Variants in DLG2 observed in about 807,000 individuals in gnomAD.
The protein encoded by DLG2 is disks large homolog 2.
A neutral mutation model predicts 132.5 loss-of-function variants in DLG2; 45 were observed. That is an observed-to-expected ratio of 0.34 (90% confidence interval 0.27 to 0.44). The LOEUF (loss-of-function observed/expected upper bound fraction) is 0.44. Among genes scored for constraint, DLG2 ranks in the 20% least tolerant of loss-of-function variants. DLG2 has a pLI of 1.00. For missense variants in DLG2, 1,045 were observed against 1,196.9 expected (o/e 0.87, Z 1.87); for synonymous variants, 424 against 419.6 (o/e 1.01, Z -0.13).
At chr11:85,464,865 G>A (rs2092728900) in intron 3 of DLG2, among the ~76,000 whole-genome samples, 1 of 151,360 alleles carries the variant, frequency 6.6e-6, no homozygotes, top group African/African-American at 2.4e-5. Context: ...ACAAGGCCAG[G>A]AGTTTGAGAC....
intron 5 of DLG2, among the ~76,000 whole-genome samples, chr11:85,154,135 G>GAGA (rs1555386477): frequency 1.7e-5 from 1 of 57,674 alleles, no homozygotes; most frequent in Non-Finnish European, 3.3e-5. Context: ...TTCTTTTGGA[G>GAGA]AAAAAAAAAA....
rs542449299 is a variant in DLG2 at position 84,607,231 on chromosome 11, G to A, written c.358-72500C>T. Among the ~76,000 whole-genome samples, 9 of 152,172 alleles carry A rather than the reference G, an allele frequency of 5.9e-5. No individual in the cohort carries two copies. The South Asian group carries it at 1.0e-3, about 18-fold the overall frequency. ...CACAACTATAATTCAAGTGATTTAC[G>A]ATAACTATTATATATTTTATGCTAA... On this transcript the variant is annotated intron_variant, in intron 6 of 27. Coordinates refer to ENST00000376104, the MANE Select transcript of DLG2 (RefSeq NM_001142699.3).
At chr11:83,991,604 G>A (rs1482421261) in intron 11 of DLG2, among the ~76,000 whole-genome samples, 1 of 150,344 alleles carries the variant, frequency 6.7e-6, no homozygotes, top group Non-Finnish European at 1.5e-5. Flanking sequence ...TTATGGATTT[G>A]GCCATTCCTC....
intron 7 of DLG2, among the ~76,000 whole-genome samples, chr11:84,428,885 G>A (rs984842505): frequency 3.3e-5 from 5 of 152,280 alleles, no homozygotes; most frequent in African/African-American, 9.6e-5. Context: ...AAGGCAGCTG[G>A]AAAATTTTAG....
chr11:85,284,985 C>T (rs1313765561), intron 4 of DLG2, among the ~76,000 whole-genome samples: 1 of 151,872 alleles, frequency 6.6e-6, no homozygotes, highest in Non-Finnish European at 1.5e-5. Context: ...CAAACTATGA[C>T]AATTTTGCTA....
intron 11 of DLG2, 100 bp downstream of exon 11, chr11:84,059,215 A>C (rs1379569917): frequency 8.4e-7 from 1 of 1,184,026 alleles, no homozygotes; most frequent in East Asian, 2.5e-5. Flanking sequence ...GTAAGCACTG[A>C]ATGTCAGAGG....
At chr11:84,224,517 G>A (rs2096962373) in intron 8 of DLG2, among the ~76,000 whole-genome samples, 1 of 152,184 alleles carries the variant, frequency 6.6e-6, no homozygotes, top group African/African-American at 2.4e-5. Context: ...GATAATGACA[G>A]CTAAGACATA....
chr11:83,601,510 C>CTTTTTTTTTTTTTTTTT (rs71066054), intron 19 of DLG2, among the ~76,000 whole-genome samples: 1 of 94,538 alleles, frequency 1.1e-5, no homozygotes, highest in Non-Finnish European at 1.9e-5. Context: ...ATGTGATGTT[C>CTTTTTTTTTTTTTTTTT]TTTTTTTTTT....
chr11:84,962,657 T>C (rs1056962134), intron 6 of DLG2, among the ~76,000 whole-genome samples: 1 of 152,172 alleles, frequency 6.6e-6, no homozygotes, highest in African/African-American at 2.4e-5. Flanking sequence ...ACACAGGATG[T>C]GCTCACTAAA....
chr11:85,126,412 T>C (rs1034434396), intron 5 of DLG2, among the ~76,000 whole-genome samples: 1 of 152,202 alleles, frequency 6.6e-6, no homozygotes, highest in Admixed American at 6.6e-5. Flanking sequence ...CTGGATGGAA[T>C]ACTTAATAAA....
Position 85,154,549 on chromosome 11 carries a change from CACTT to C in DLG2, c.282+3_282+6del, listed in dbSNP as rs2077473965. The stretch of plus-strand genomic sequence containing the variant: ...CTAGTAAGAAAAGAAAACAGTATAA[CACTT>C]ACAGTTGTCGTCTCATCAGTTTCAT... On this transcript the variant is annotated splice_donor_5th_base_variant and intron_variant, in intron 5 of 27. Transcript: ENST00000376104. 6 of 1,369,342 alleles carry C rather than the reference CACTT, an allele frequency of 4.4e-6. No homozygotes were observed. Among genetic ancestry groups the C allele is most frequent in the South Asian group, 2.6e-5 (2 of 78,270 alleles). 84.8% of individuals were successfully genotyped at this position (1,369,342 alleles called of 1,614,324 possible).
At chr11:85,341,736 G>A (rs1302486497) in intron 3 of DLG2, among the ~76,000 whole-genome samples, 2 of 152,084 alleles carry the variant, frequency 1.3e-5, no homozygotes, top group Non-Finnish European at 2.9e-5. Flanking sequence ...TGTGTCATTA[G>A]GTGATTTCAT....
At chr11:84,532,117 A>ATTTTT (rs67139617) in intron 7 of DLG2, among the ~76,000 whole-genome samples, 69 of 104,546 alleles carry the variant, frequency 6.6e-4, no homozygotes, top group South Asian at 7.0e-4. Flanking sequence ...TGTTCTGTTC[A>ATTTTT]TTTTTTTTTT....
intron 7 of DLG2, among the ~76,000 whole-genome samples, chr11:84,356,333 C>A (rs1026294600): frequency 6.6e-6 from 1 of 152,064 alleles, no homozygotes; most frequent in African/African-American, 2.4e-5. Context: ...TTGTTCTAAG[C>A]CCTGTGGATA....
At chr11:84,252,140 CTTTTTTTTTTTTTTT>C (rs1176873990) in intron 7 of DLG2, among the ~76,000 whole-genome samples, 3 of 65,338 alleles carry the variant, frequency 4.6e-5, no homozygotes, top group South Asian at 8.1e-4. Context: ...TTCTTTCTTT[CTTTTTTTTTTTTTTT>C]TTTTTTTTTT....
chr11:84,201,746 T>C (rs2096596382), intron 8 of DLG2, among the ~76,000 whole-genome samples: 1 of 151,652 alleles, frequency 6.6e-6, no homozygotes, highest in Non-Finnish European at 1.5e-5. Context: ...TGCATAGATA[T>C]TTAATGCTAT....
At chr11:84,095,072 AG>A (rs2097147503) in intron 10 of DLG2, among the ~76,000 whole-genome samples, 1 of 152,146 alleles carries the variant, frequency 6.6e-6, no homozygotes, top group Non-Finnish European at 1.5e-5. Flanking sequence ...GAGAAAAAAA[AG>A]TATGTGAAAA....
intron 7 of DLG2, among the ~76,000 whole-genome samples, chr11:84,367,604 T>C (rs1326402116): frequency 6.6e-6 from 1 of 152,110 alleles, no homozygotes; most frequent in Non-Finnish European, 1.5e-5. Context: ...AATGGATTAA[T>C]GGGTTAGTGA....
chr11:84,237,456 T>C (rs1480298103), intron 8 of DLG2, among the ~76,000 whole-genome samples: 1 of 152,242 alleles, frequency 6.6e-6, no homozygotes, highest in Non-Finnish European at 1.5e-5. Context: ...CATTACTACT[T>C]TTCCTTCATG....
Sources: allele counts gnomAD v4.1 joint callset (sites outside exome capture counted in the v4.1 genomes callset), GRCh38; gene constraint gnomAD v4.1.1; transcripts MANE v1.5; gene names NCBI Gene and HGNC (gene_info 2026-07-23, HGNC 2026-07-21).